Variants in HMCN1 observed in about 807,000 individuals in gnomAD.
The protein encoded by HMCN1 is hemicentin-1.
Under a neutral mutation model 625.9 loss-of-function variants are expected in HMCN1, and 321 were observed. The observed-to-expected ratio is 0.51, with a 90% CI of 0.47 to 0.56. The LOEUF is 0.56. HMCN1 is among the 20% of genes least tolerant of loss of function. The probability of loss-of-function intolerance (pLI) is 0.00; values close to 1 mark genes in which losing one functional copy is unlikely to be tolerated. For missense variants in HMCN1, 6,588 were observed against 6,887.3 expected, an observed-to-expected ratio of 0.96 and a Z score of 1.54; for synonymous variants, 2,425 against 2,417.6, an observed-to-expected ratio of 1.00 and a Z score of -0.09.
At position 185,911,669 on chromosome 1, in the gene HMCN1, T is replaced by C; in HGVS notation, c.794-5T>C. 6.3e-7 allele frequency: 1 copy of C among 1,597,452 alleles called. No individual in the cohort carries two copies. Among genetic ancestry groups the C allele is most frequent in the Non-Finnish European group, 8.6e-7 (1 of 1,165,066 alleles). On this transcript the variant is annotated splice_polypyrimidine_tract_variant and splice_region_variant and intron_variant, in intron 5 of 106. Transcript: ENST00000271588. ...TGCTTGTTACCTTTATGTTCTGTCT[T>C]TCAGGGAAGCTGATAAAAAAGGGAT...
intron 96 of HMCN1, among the ~76,000 whole-genome samples, chr1:186,153,177 A>C (rs1650781166): frequency 6.6e-6 from 1 of 152,184 alleles, no homozygotes; most frequent in Non-Finnish European, 1.5e-5. Flanking sequence ...ATCATCCATA[A>C]AATATTTCAG....
intron 1 of HMCN1, among the ~76,000 whole-genome samples, chr1:185,833,253 A>G (rs973359032): frequency 6.6e-6 from 1 of 152,194 alleles, no homozygotes; most frequent in South Asian, 2.1e-4. Flanking sequence ...CCAGAAAAAT[A>G]CCTTCTAAAT....
At chr1:186,182,753 T>C (rs962605376) in intron 105 of HMCN1, among the ~76,000 whole-genome samples, 10 of 152,216 alleles carry the variant, frequency 6.6e-5, no homozygotes, top group Non-Finnish European at 1.0e-4. Context: ...TCTACATTGA[T>C]GTGGAACAAT....
chr1:185,762,042 G>C (rs975848933), intron 1 of HMCN1, among the ~76,000 whole-genome samples: 1 of 152,060 alleles, frequency 6.6e-6, no homozygotes, highest in Non-Finnish European at 1.5e-5. Context: ...TACCAGTTCA[G>C]GAAGAAAAAG....
At chr1:185,839,014 GA>G (rs772389217) in intron 1 of HMCN1, among the ~76,000 whole-genome samples, 10 of 152,132 alleles carry the variant, frequency 6.6e-5, no homozygotes, top group Non-Finnish European at 1.0e-4. Context: ...TGTTTTCTCT[GA>G]AAACACAGTC....
At position 185,828,939 on chromosome 1, in the gene HMCN1, T is replaced by TATGCA. The variant is rs910616795; in HGVS notation, c.269-17085_269-17081dup. On this transcript the variant is annotated intron_variant, in intron 1 of 106. Coordinates refer to ENST00000271588, the MANE Select transcript of HMCN1 (RefSeq NM_031935.3). ...TAAGAAGAAAACAACAAAATTAACC[T>TATGCA]ATGCAAAGCAAAATGAAGTAATAAA... 3.9e-5 allele frequency among the ~76,000 whole-genome samples: 6 copies of TATGCA among 152,150 alleles called. No homozygotes were observed. In the South Asian group the frequency reaches 1.2e-3, roughly 32 times the overall value.
chr1:185,997,162 G>A (rs183863851), intron 24 of HMCN1, among the ~76,000 whole-genome samples: 1 of 152,180 alleles, frequency 6.6e-6, no homozygotes, highest in African/African-American at 2.4e-5. Context: ...AAATGACTGG[G>A]TGGACCATAG....
At chr1:185,871,091 T>C (rs928287910) in intron 4 of HMCN1, among the ~76,000 whole-genome samples, 2 of 152,060 alleles carry the variant, frequency 1.3e-5, no homozygotes, top group African/African-American at 4.8e-5. Context: ...TAGCTGGGCA[T>C]GGTGGCGCAT....
At chr1:185,987,290 A>AT (rs1180259550) in intron 19 of HMCN1, 142 bp from the exon 20 acceptor site, 3 of 693,728 alleles carry the variant, frequency 4.3e-6, no homozygotes, top group Non-Finnish European at 7.9e-6. Context: ...TACAGAGATT[A>AT]TCCTACATTT....
chr1:185,892,756 G>A (rs966245919), intron 4 of HMCN1, among the ~76,000 whole-genome samples: 7 of 152,126 alleles, frequency 4.6e-5, no homozygotes, highest in Non-Finnish European at 8.8e-5. Flanking sequence ...GGTTACTGCC[G>A]TCTTTTTGTT....
At chr1:186,107,777 C>CAT (rs898350285) in intron 70 of HMCN1, among the ~76,000 whole-genome samples, 4 of 152,026 alleles carry the variant, frequency 2.6e-5, no homozygotes, top group Non-Finnish European at 5.9e-5. Context: ...CACACACACA[C>CAT]ATACAAACAC....
In HMCN1 at chr1:186,067,833, G is replaced by T. The variant is rs1281271969; in HGVS notation, c.7706-1G>T. The T allele has an allele frequency of 3.1e-6, 5 of 1,603,984 alleles. No individual in the cohort carries two copies. Among genetic ancestry groups the T allele is most frequent in the Non-Finnish European group, 3.4e-6 (4 of 1,171,202 alleles). On this transcript the variant is annotated splice_acceptor_variant, in intron 49 of 106. Coordinates refer to ENST00000271588, the MANE Select transcript of HMCN1 (RefSeq NM_031935.3). LOFTEE classifies it high-confidence loss of function. ...CTTCAACAAATTTTCATCTTTTTCA[G>T]TATCTCCTACAATTGCTGGTGTAGG...
At chr1:185,835,138 G>A (rs1205913934) in intron 1 of HMCN1, among the ~76,000 whole-genome samples, 2 of 152,104 alleles carry the variant, frequency 1.3e-5, no homozygotes, top group African/African-American at 4.8e-5. Context: ...AACAATCTCT[G>A]CCTTTTAGAA....
At chr1:185,988,473 A>G (rs1652157238) in intron 20 of HMCN1, among the ~76,000 whole-genome samples, 1 of 152,228 alleles carries the variant, frequency 6.6e-6, no homozygotes, top group Non-Finnish European at 1.5e-5. Flanking sequence ...AATCTCTGAA[A>G]TATGGAGAAG....
At chr1:186,152,708 C>T (rs1650750370) in intron 95 of HMCN1, 42 bp from the exon 96 acceptor site, 1 of 1,612,182 alleles carries the variant, frequency 6.2e-7, no homozygotes, top group African/African-American at 1.3e-5. Flanking sequence ...TTACAGAAAC[C>T]ATATTTTTTT....
At chr1:185,903,893 G>A (rs1013197485) in intron 4 of HMCN1, among the ~76,000 whole-genome samples, 3 of 151,786 alleles carry the variant, frequency 2.0e-5, no homozygotes, top group African/African-American at 7.3e-5. Flanking sequence ...CCTCTCTATA[G>A]GCACACGTAC....
At chr1:186,008,175 C>T (rs1653765217) in intron 30 of HMCN1, among the ~76,000 whole-genome samples, 1 of 152,050 alleles carries the variant, frequency 6.6e-6, no homozygotes, top group African/African-American at 2.4e-5. Flanking sequence ...TTTTGTTTTG[C>T]ATGTTCCCTA....
chr1:186,153,048 T>A (rs1650774750), intron 96 of HMCN1, among the ~76,000 whole-genome samples, 177 bp downstream of exon 96: 1 of 152,220 alleles, frequency 6.6e-6, no homozygotes, highest in South Asian at 2.1e-4. Context: ...TTTTACAAAC[T>A]CTCTTAATGG....
intron 1 of HMCN1, among the ~76,000 whole-genome samples, chr1:185,777,170 G>C (rs73060487): frequency 1.3e-5 from 2 of 152,080 alleles, no homozygotes; most frequent in Admixed American, 1.3e-4. Flanking sequence ...TTCTCCACTG[G>C]CTAGTTATGT....
Sources: allele counts gnomAD v4.1 joint callset (sites outside exome capture counted in the v4.1 genomes callset), GRCh38; gene constraint gnomAD v4.1.1; transcripts MANE v1.5; gene names NCBI Gene and HGNC (gene_info 2026-07-23, HGNC 2026-07-21).